The following SNX32 variants were observed in gnomAD, a reference collection of about 807,000 sequenced individuals.
The protein encoded by SNX32 is sorting nexin-32.
A neutral mutation model predicts 57.0 loss-of-function variants in SNX32; 58 were observed. The observed-to-expected ratio is 1.02, with a 90% confidence interval of 0.82 to 1.27. The LOEUF (loss-of-function observed/expected upper bound fraction) is 1.27, where lower values mean the gene tolerates loss of function less well. Among genes scored for constraint, SNX32 ranks in the 50% most tolerant of loss-of-function variants. The pLI is 0.00. For missense variants in SNX32, 589 were observed against 541.2 expected (o/e 1.09, Z -0.88); for synonymous variants, 262 against 220.4 (o/e 1.19, Z -1.67).
intron 1 of SNX32, among the ~76,000 whole-genome samples, chr11:65,844,135 T>C (rs76705201): frequency 0.014 from 2,146 of 152,242 alleles, 49 homozygotes; most frequent in East Asian, 0.1. Context: ...AATCCCAGTA[T>C]GTTTTTCAGG....
At chr11:65,849,452 G>A in intron 1 of SNX32, 26 bp from the exon 2 acceptor site, 2 of 1,580,988 alleles carry the variant, frequency 1.3e-6, no homozygotes, top group Non-Finnish European at 1.7e-6. Flanking sequence ...TGCTCAGCCA[G>A]GCCAGAGACC....
chr11:65,841,550 A>G (rs1281639791), intron 1 of SNX32, among the ~76,000 whole-genome samples: 1 of 151,938 alleles, frequency 6.6e-6, no homozygotes, highest in Non-Finnish European at 1.5e-5. Flanking sequence ...TTGTGTTTCT[A>G]TATACAATTA....
At chr11:65,840,193 C>T (rs770910080) in intron 1 of SNX32, among the ~76,000 whole-genome samples, 26 of 152,030 alleles carry the variant, frequency 1.7e-4, no homozygotes, top group African/African-American at 5.8e-4. Flanking sequence ...ATAACAAGAA[C>T]ATCCATATGA....
chr11:65,839,225 A>ATTTTTTTTTTTTATTT (rs1858759613), intron 1 of SNX32, among the ~76,000 whole-genome samples: 1 of 27,622 alleles, frequency 3.6e-5, no homozygotes, highest in African/African-American at 1.5e-4. Flanking sequence ...ATTTTTTTGT[A>ATTTTTTTTTTTTATTT]TTTTTTTTTT....
intron 12 of SNX32, 117 bp downstream of exon 12, chr11:65,853,075 G>C (rs1859273051): frequency 7.8e-7 from 1 of 1,287,394 alleles, no homozygotes; most frequent in Admixed American, 1.7e-5. Context: ...ATGCGCGTGT[G>C]TGTGCATGAG....
chr11:65,851,150 C>G lies in SNX32; in HGVS notation c.699C>G (p.Arg233=). The change falls in exon 7 of 13, where the codon CGC becomes CGG. Residue 233 remains arginine (R), a synonymous_variant. Coordinates refer to ENST00000308342, the MANE Select transcript of SNX32 (RefSeq NM_152760.3). ...DACLRADRVM[R]AHKCLADDYI... ...GCCTGCGGGCCGACCGCGTCATGCG[C>G]GCCCACAAGTGTACGCAGGGCCCAA... 1 of 1,612,608 alleles carries G rather than the reference C, an allele frequency of 6.2e-7. No homozygotes were observed.
In SNX32 at chr11:65,849,938, G is replaced by T. The variant is rs906183500; in HGVS notation, c.160G>T (p.Ala54Ser). The change falls in exon 3 of 13, where the codon GCC becomes TCC. Residue 54 changes from alanine to serine, a missense_variant. Coordinates refer to ENST00000308342, the MANE Select transcript of SNX32 (RefSeq NM_152760.3). ...CTTCCAGAGCTGCCTCCCTCACTTC[G>T]CCCAGACCGAGTTCTCAGTCGTGCG... ...VQTKSCLPHFAQTEFSVVRQH... is the reference protein window; with the variant it reads ...VQTKSCLPHFSQTEFSVVRQH... 6.3e-7 allele frequency: 1 copy of T among 1,582,746 alleles called. No homozygotes were observed. Among genetic ancestry groups the T allele is most frequent in the South Asian group, 1.2e-5 (1 of 86,720 alleles).
intron 1 of SNX32, among the ~76,000 whole-genome samples, chr11:65,834,341 CTG>C (rs1158633655): frequency 6.7e-5 from 10 of 150,084 alleles, no homozygotes; most frequent in Non-Finnish European, 1.0e-4. Flanking sequence ...ATTTGTGTCT[CTG>C]TGTGTCTGTG....
In SNX32 at chr11:65,851,682, G is replaced by T; in HGVS notation, c.825+3G>T. 1.2e-6 allele frequency: 2 copies of T among 1,614,082 alleles called. No homozygotes were observed. The highest frequency in any genetic ancestry group is 1.1e-5 in the South Asian group (1 of 91,056). ...CAGAGCTCTTTGAACGGCTGAGGGT[G>T]AGTACTGCCTTCTGTGCTCAAAGGC... On this transcript the variant is annotated splice_donor_region_variant and intron_variant, in intron 9 of 12. Transcript: ENST00000308342.
chr11:65,841,611 A>G (rs1858843570), intron 1 of SNX32, among the ~76,000 whole-genome samples: 1 of 151,926 alleles, frequency 6.6e-6, no homozygotes, highest in Non-Finnish European at 1.5e-5. Context: ...AAGGGCGCCT[A>G]TAATCCCAGC....
chr11:65,850,634 C>T, intron 5 of SNX32, 80 bp downstream of exon 5: 5 of 1,558,930 alleles, frequency 3.2e-6, no homozygotes, highest in Non-Finnish European at 4.3e-6. Flanking sequence ...GGTGGCAGGG[C>T]TGGAGAAGGG....
At chr11:65,837,195 A>G (rs1202581321) in intron 1 of SNX32, among the ~76,000 whole-genome samples, 1 of 152,214 alleles carries the variant, frequency 6.6e-6, no homozygotes, top group Admixed American at 6.5e-5. Context: ...AAGCAAGATG[A>G]CAAGTTGGTA....
chr11:65,842,759 G>A (rs181366022), intron 1 of SNX32, among the ~76,000 whole-genome samples: 1 of 151,594 alleles, frequency 6.6e-6, no homozygotes, highest in Admixed American at 6.6e-5. Flanking sequence ...GAGACCGCCT[G>A]GCCAACATAG....
At chr11:65,836,740 T>G (rs1184496394) in intron 1 of SNX32, among the ~76,000 whole-genome samples, 2 of 152,152 alleles carry the variant, frequency 1.3e-5, no homozygotes, top group Non-Finnish European at 2.9e-5. Flanking sequence ...GAATATCATG[T>G]CCTTTCCAGG....
chr11:65,853,643 T>C lies in SNX32; in HGVS notation c.*308T>C, dbSNP rs1055826039. ...CTCACCCATAGCCCTGAAGGAATCA[T>C]AGCTCACTTGATCCCGGCCTGTTCT... is the stretch of plus-strand genomic sequence containing the variant. On this transcript the variant is annotated 3_prime_UTR_variant, in exon 13 of 13. Coordinates refer to ENST00000308342, the MANE Select transcript of SNX32 (RefSeq NM_152760.3). 1.1e-5 allele frequency: 5 copies of C among 462,554 alleles called. No individual in the cohort carries two copies. Among genetic ancestry groups the C allele is most frequent in the African/African-American group, 5.9e-5 (3 of 51,194 alleles). 28.7% of individuals were successfully genotyped at this position (462,554 alleles called of 1,614,324 possible). A position where few individuals can be genotyped will look rare whatever the true frequency, so the allele number is the denominator to read the frequency against.
At chr11:65,837,530 CA>C (rs1858700343) in intron 1 of SNX32, among the ~76,000 whole-genome samples, 1 of 151,694 alleles carries the variant, frequency 6.6e-6, no homozygotes. Context: ...AAAACAAAAC[CA>C]AAAAAGGGCC....
chr11:65,835,091 CGT>C (rs1258344277), intron 1 of SNX32, among the ~76,000 whole-genome samples: 2 of 145,848 alleles, frequency 1.4e-5, no homozygotes, highest in South Asian at 2.2e-4. Flanking sequence ...GTGTTTGTCT[CGT>C]GTGTCTGTGT....
chr11:65,834,872 CTG>C (rs906267478), intron 1 of SNX32, among the ~76,000 whole-genome samples: 1 of 147,472 alleles, frequency 6.8e-6, no homozygotes, highest in Non-Finnish European at 1.5e-5. Context: ...TTGCATGTGT[CTG>C]TGTGTGTCTG....
intron 4 of SNX32, 66 bp downstream of exon 4, chr11:65,850,337 G>C: frequency 6.2e-7 from 1 of 1,613,632 alleles, no homozygotes; most frequent in Non-Finnish European, 8.5e-7. Context: ...ATCTCCCCAT[G>C]AATGTTTAGC....
Sources: allele counts gnomAD v4.1 joint callset (sites outside exome capture counted in the v4.1 genomes callset), GRCh38; gene constraint gnomAD v4.1.1; transcripts MANE v1.5; gene names NCBI Gene and HGNC (gene_info 2026-07-23, HGNC 2026-07-21).